The following COL4A1 variants were observed in gnomAD, a reference collection of about 807,000 sequenced individuals.
COL4A1 encodes the protein collagen alpha-1(IV) chain.
In COL4A1, 40 loss-of-function variants were observed where a neutral mutation model predicts 216.6. The ratio of observed to expected loss-of-function variants is 0.18; its 90% CI spans 0.14 to 0.24. The LOEUF (loss-of-function observed/expected upper bound fraction) is 0.24, where lower values mean the gene tolerates loss of function less well. Ranked by LOEUF, COL4A1 falls within the 10% of genes least tolerant of loss-of-function variation. The pLI is 1.00. For synonymous variants in COL4A1, 839 were observed against 810.7 expected, an observed-to-expected ratio of 1.03 and a Z score of -0.59; for missense variants, 1,628 against 2,196.8, an observed-to-expected ratio of 0.74 and a Z score of 5.18.
intron 17 of COL4A1, among the ~76,000 whole-genome samples, chr13:110,205,073 GAT>G (rs1879427248): frequency 6.6e-6 from 1 of 152,064 alleles, no homozygotes. Context: ...TTTACCTCGT[GAT>G]ATCTTTCTGT....
chr13:110,229,308 A>C (rs937341217), intron 2 of COL4A1, among the ~76,000 whole-genome samples: 1 of 152,210 alleles, frequency 6.6e-6, no homozygotes, highest in Non-Finnish European at 1.5e-5. Flanking sequence ...GCTTCACAGG[A>C]AAGATCTCAA....
At position 110,198,078 on chromosome 13, in the gene COL4A1, G is replaced by GTGTGTGTGT. The variant is rs1555305317; in HGVS notation, c.1285+388_1285+389insACACACACA. Among the ~76,000 whole-genome samples, 373 of 141,930 alleles carry GTGTGTGTGT rather than the reference G, an allele frequency of 2.6e-3. 7 individuals are homozygous for GTGTGTGTGT. Among genetic ancestry groups the GTGTGTGTGT allele is most frequent in the Middle Eastern group, 0.011 (3 of 278 alleles). The allele number at this position is 141,930 out of a possible 152,430, so 93.1% of individuals were successfully genotyped here. On this transcript the variant is annotated intron_variant, in intron 21 of 51. Transcript: ENST00000375820. ...GTAATCCTGTCTTCCTTGTTTCTGG[G>GTGTGTGTGT]GTGTGTGTGTGTGTGTGTGTGTGTG...
intron 1 of COL4A1, among the ~76,000 whole-genome samples, chr13:110,291,180 C>T (rs1223040159): frequency 6.6e-6 from 1 of 152,224 alleles, no homozygotes; most frequent in African/African-American, 2.4e-5. Context: ...AGAAAAAGTA[C>T]ACCGATGCCA....
chr13:110,219,822 A>G (rs1444834706), intron 2 of COL4A1, among the ~76,000 whole-genome samples: 1 of 111,556 alleles, frequency 9.0e-6, no homozygotes, highest in Admixed American at 1.1e-4. Context: ...ATATATGTAT[A>G]TATATGTATG....
intron 51 of COL4A1, 39 bp downstream of exon 51, chr13:110,152,295 G>A (rs769018011): frequency 5.0e-6 from 8 of 1,612,680 alleles, no homozygotes; most frequent in East Asian, 2.2e-5. Context: ...AAGTCACAAA[G>A]GGGCCAGCAG....
intron 39 of COL4A1, 31 bp downstream of exon 39, chr13:110,174,415 C>T: frequency 6.2e-7 from 1 of 1,611,264 alleles, no homozygotes; most frequent in Non-Finnish European, 8.5e-7. Context: ...TCTCTATGTG[C>T]CCGGGCTGTG....
At chr13:110,199,142 G>A (rs1405493669) in intron 20 of COL4A1, among the ~76,000 whole-genome samples, 2 of 152,208 alleles carry the variant, frequency 1.3e-5, no homozygotes, top group African/African-American at 4.8e-5. Context: ...TTCAGCCACT[G>A]TAACTCTGTA....
chr13:110,254,308 G>A (rs918324338), intron 1 of COL4A1, among the ~76,000 whole-genome samples: 4 of 152,132 alleles, frequency 2.6e-5, no homozygotes, highest in Admixed American at 6.5e-5. Context: ...TTTACTGGAC[G>A]GCTAGCAAGA....
At chr13:110,169,566 TATGA>T in intron 43 of COL4A1, 59 bp downstream of exon 43, 1 of 1,605,842 alleles carries the variant, frequency 6.2e-7, no homozygotes, top group Non-Finnish European at 8.5e-7. Context: ...CATAGACACA[TATGA>T]ATACTTCTGG....
chr13:110,298,322 T>C (rs966700964), intron 1 of COL4A1, among the ~76,000 whole-genome samples: 10 of 152,224 alleles, frequency 6.6e-5, no homozygotes, highest in South Asian at 2.1e-4. Context: ...ATGAAAAACA[T>C]GTTTGTTAAA....
chr13:110,273,853 G>A (rs1228681436), intron 1 of COL4A1, among the ~76,000 whole-genome samples: 3 of 152,300 alleles, frequency 2.0e-5, no homozygotes, highest in South Asian at 2.1e-4. Flanking sequence ...ACGCGCATCT[G>A]CCAAAAGAGC....
chr13:110,240,956 G>A (rs371324229), intron 2 of COL4A1, among the ~76,000 whole-genome samples: 34 of 152,248 alleles, frequency 2.2e-4, no homozygotes, highest in African/African-American at 6.7e-4. Flanking sequence ...TGCAACCTCC[G>A]CCTCCTGGGT....
chr13:110,267,953 A>G (rs551582898), intron 1 of COL4A1, among the ~76,000 whole-genome samples: 5 of 152,272 alleles, frequency 3.3e-5, no homozygotes, highest in Admixed American at 2.6e-4. Context: ...AGAGCTGCAC[A>G]TCTGTTATTC....
chr13:110,178,375 G>T, intron 31 of COL4A1, 144 bp from the exon 32 acceptor site: 1 of 989,236 alleles, frequency 1.0e-6, no homozygotes, highest in Non-Finnish European at 1.5e-6. Context: ...TCTGTTAGGT[G>T]TTGGTGTTTG....
intron 40 of COL4A1, 117 bp from the exon 41 acceptor site, chr13:110,172,887 T>C: frequency 1.2e-6 from 1 of 826,670 alleles, no homozygotes; most frequent in Non-Finnish European, 2.1e-6. Flanking sequence ...AGTACATAGA[T>C]ATTAGTTAAT....
At position 110,195,004 on chromosome 13, in the gene COL4A1, A is replaced by G. The variant is rs755206844; in HGVS notation, c.1381+19T>C. ...CGCAAAGACACAACCACCATTTTAA[A>G]AAAATCAAAATTTCTTACCTTTCTC... On this transcript the variant is annotated intron_variant, in intron 22 of 51. Transcript: ENST00000375820. The G allele has an allele frequency of 1.5e-5, 24 of 1,609,978 alleles. No homozygotes were observed. The South Asian group carries it at 2.2e-4, about 15-fold the overall frequency.
intron 2 of COL4A1, among the ~76,000 whole-genome samples, chr13:110,217,694 A>C (rs1333955880): frequency 6.6e-6 from 1 of 152,222 alleles, no homozygotes; most frequent in East Asian, 1.9e-4. Context: ...GGAAAATCAT[A>C]CGCCAAAGCC....
In COL4A1 at chr13:110,206,679, T is replaced by C; in HGVS notation, c.844A>G (p.Lys282Glu). Residue 282 changes from lysine to glutamate, a missense_variant, in exon 15 of 52, where the codon AAA (lysine) becomes GAA (glutamate). Transcript: ENST00000375820. ...PGVGEKGEPGKPGPRGKPGKD... is the reference protein window; with the variant it reads ...PGVGEKGEPGEPGPRGKPGKD... ...AAAGCACTTACTCTGGGTCCTGGTT[T>C]TCCGGGTTCACCTTTCTCTCCGACC... 1 of 1,614,230 alleles carries C rather than the reference T, an allele frequency of 6.2e-7. No individual in the cohort carries two copies. Among genetic ancestry groups the C allele is most frequent in the Non-Finnish European group, 8.5e-7 (1 of 1,180,024 alleles).
chr13:110,158,311 G>A (rs660906), intron 49 of COL4A1, among the ~76,000 whole-genome samples: 44,099 of 152,138 alleles, frequency 0.29, 7,268 homozygotes, highest in African/African-American at 0.44. Flanking sequence ...TCCTACATAG[G>A]AGGCACCTTC....
Sources: allele counts gnomAD v4.1 joint callset (sites outside exome capture counted in the v4.1 genomes callset), GRCh38; gene constraint gnomAD v4.1.1; transcripts MANE v1.5; gene names NCBI Gene and HGNC (gene_info 2026-07-23, HGNC 2026-07-21).